SLIT3: variants seen among roughly 807,000 people sequenced by gnomAD.
SLIT3 encodes the protein slit homolog 3 protein.
A neutral mutation model predicts 184.0 loss-of-function variants in SLIT3; 68 were observed. The ratio of observed to expected loss-of-function variants is 0.37; its 90% CI spans 0.30 to 0.45. The LOEUF is 0.45. SLIT3 is among the 20% of genes least tolerant of loss of function. The pLI, the probability that SLIT3 is intolerant of heterozygous loss-of-function variation, is 1.00. For synonymous variants in SLIT3, 831 were observed against 828.6 expected (o/e 1.00, Z -0.05); for missense variants, 1,707 against 2,026.0 (o/e 0.84, Z 3.02).
At chr5:169,022,263 A>G (rs556448292) in intron 4 of SLIT3, 1 of 152,336 alleles carries the variant, frequency 6.6e-6, no homozygotes, top group East Asian at 1.9e-4. Context: ...GCCCTCGAGA[A>G]TTGTAGGGAA....
chr5:168,803,321 C>T (rs1231114925), intron 9 of SLIT3, among the ~76,000 whole-genome samples: 2 of 152,192 alleles, frequency 1.3e-5, no homozygotes, highest in Non-Finnish European at 2.9e-5. Context: ...TATTTTTGCT[C>T]AATAGAAAAA....
intron 4 of SLIT3, among the ~76,000 whole-genome samples, chr5:169,016,564 A>C (rs1756382219): frequency 6.6e-6 from 1 of 152,218 alleles, no homozygotes; most frequent in African/African-American, 2.4e-5. Context: ...TCCATTAAAA[A>C]CATATAATAC....
At chr5:168,861,271 G>A (rs1307712069) in intron 5 of SLIT3, among the ~76,000 whole-genome samples, 16 of 148,850 alleles carry the variant, frequency 1.1e-4, no homozygotes, top group East Asian at 8.0e-4. Context: ...CCCATCCCAC[G>A]ACAGGCCCCA....
chr5:168,668,038 G>A (rs72837898), intron 35 of SLIT3, among the ~76,000 whole-genome samples: 23,234 of 152,132 alleles, frequency 0.15, 2,363 homozygotes, highest in Non-Finnish European at 0.22. Flanking sequence ...ATAGTATTTC[G>A]TGTAGGTATA....
At chr5:169,081,482 A>G (rs761461365) in intron 4 of SLIT3, among the ~76,000 whole-genome samples, 5 of 152,214 alleles carry the variant, frequency 3.3e-5, no homozygotes, top group Non-Finnish European at 7.4e-5. Context: ...AGGGTCCCCA[A>G]ATGTGCAGGT....
chr5:168,894,087 A>C (rs112249623), intron 4 of SLIT3, among the ~76,000 whole-genome samples: 3 of 152,346 alleles, frequency 2.0e-5, no homozygotes, highest in Admixed American at 2.0e-4. Context: ...AAAATGGCAG[A>C]TCCTCCACCA....
At chr5:169,140,511 A>C in intron 4 of SLIT3, among the ~76,000 whole-genome samples, 1 of 137,236 alleles carries the variant, frequency 7.3e-6, no homozygotes. Context: ...AAAAAAAAAG[A>C]CGCAGGCGGT....
chr5:169,038,453 TAAG>T (rs1427426858), intron 4 of SLIT3, among the ~76,000 whole-genome samples: 3 of 152,288 alleles, frequency 2.0e-5, no homozygotes, highest in South Asian at 4.1e-4. Context: ...TATGTGTAAA[TAAG>T]AAGATGGGGT....
chr5:168,811,460 G>T (rs1757154745), intron 8 of SLIT3, among the ~76,000 whole-genome samples: 1 of 152,164 alleles, frequency 6.6e-6, no homozygotes, highest in Non-Finnish European at 1.5e-5. Context: ...CTTTCTGTCT[G>T]CTCTGCCAAA....
At chr5:169,028,136 T>G (rs1756896456) in intron 4 of SLIT3, among the ~76,000 whole-genome samples, 2 of 152,322 alleles carry the variant, frequency 1.3e-5, no homozygotes, top group East Asian at 3.9e-4. Context: ...TTTCTGAGTT[T>G]AATCCCCAAA....
intron 28 of SLIT3, among the ~76,000 whole-genome samples, chr5:168,695,969 C>A (rs1561879351): frequency 6.6e-6 from 1 of 152,164 alleles, no homozygotes; most frequent in Non-Finnish European, 1.5e-5. Flanking sequence ...AAACACAATG[C>A]AAGCGCCTCT....
chr5:168,979,760 A>C (rs1175031675), intron 4 of SLIT3, among the ~76,000 whole-genome samples: 1 of 152,198 alleles, frequency 6.6e-6, no homozygotes, highest in Non-Finnish European at 1.5e-5. Flanking sequence ...TGCCTGCTGC[A>C]AAAGTCAGGG....
At chr5:169,015,944 AC>A (rs1756349111) in intron 4 of SLIT3, among the ~76,000 whole-genome samples, 1 of 115,652 alleles carries the variant, frequency 8.6e-6, no homozygotes, top group Non-Finnish European at 1.6e-5. Flanking sequence ...ACACACACAC[AC>A]ACACACACAC....
chr5:168,834,048 A>C (rs561756926), intron 6 of SLIT3, among the ~76,000 whole-genome samples: 3 of 152,338 alleles, frequency 2.0e-5, no homozygotes, highest in African/African-American at 7.2e-5. Flanking sequence ...ACTAGCCCCC[A>C]GTGTGCAGCA....
At chr5:168,745,912 C>A (rs192915699) in intron 20 of SLIT3, among the ~76,000 whole-genome samples, 2 of 152,290 alleles carry the variant, frequency 1.3e-5, no homozygotes, top group African/African-American at 2.4e-5. Flanking sequence ...CAAGACAAGA[C>A]CCCCGACTAG....
At chr5:169,069,253 A>T (rs955236366) in intron 4 of SLIT3, among the ~76,000 whole-genome samples, 1 of 152,210 alleles carries the variant, frequency 6.6e-6, no homozygotes, top group Non-Finnish European at 1.5e-5. Flanking sequence ...GACTCCAGAG[A>T]CCGTCCATTG....
chr5:168,950,712 G>C (rs903546439), intron 4 of SLIT3, among the ~76,000 whole-genome samples: 2 of 152,178 alleles, frequency 1.3e-5, no homozygotes, highest in African/African-American at 4.8e-5. Flanking sequence ...AAAAATACCT[G>C]CCTCAAAACA....
chr5:169,300,839 C>G lies in SLIT3; in HGVS notation c.-130G>C, dbSNP rs1581154773. 3 of 975,330 alleles carry G rather than the reference C, an allele frequency of 3.1e-6. No individual in the cohort carries two copies. Among genetic ancestry groups the G allele is most frequent in the Non-Finnish European group, 3.9e-6 (3 of 763,532 alleles). The allele number at this position is 975,330 out of a possible 1,614,324, so 60.4% of individuals were successfully genotyped here. On this transcript the variant is annotated 5_prime_UTR_variant, in exon 1 of 36. Transcript: ENST00000519560. This position sits in a 1 kb window ranked among gnomAD's most constrained non-coding sequence, Gnocchi z 4.1. Reference sequence around the variant, plus strand: ...GGAGTTAGCGCGGAGGAGGGGCGAGCTCGGTGCTCAGGCGCACGGGGCGCG... The same window carrying G: ...GGAGTTAGCGCGGAGGAGGGGCGAGGTCGGTGCTCAGGCGCACGGGGCGCG...
Position 168,787,384 on chromosome 5 carries a change from C to T in SLIT3, c.1080-1406G>A, listed in dbSNP as rs886379974. Reference sequence around the variant, plus strand: ...AAAACCACTCCCTGGCAGGTGGAGGCGGGCTGAGGCTCTCCTGCCTGTGTG... The same window carrying T: ...AAAACCACTCCCTGGCAGGTGGAGGTGGGCTGAGGCTCTCCTGCCTGTGTG... On this transcript the variant is annotated intron_variant, in intron 11 of 35. Transcript: ENST00000519560. Among the ~76,000 whole-genome samples, 8 of 152,264 alleles carry T rather than the reference C, an allele frequency of 5.3e-5. No homozygotes were observed. The South Asian group carries it at 6.2e-4, about 12-fold the overall frequency.
Sources: gnomAD v4.1 joint callset for allele counts (sites outside exome capture counted in the v4.1 genomes callset) on GRCh38, gnomAD v4.1.1 for gene constraint, Gnocchi (gnomAD v3.1) non-coding constraint, MANE v1.5 for transcripts, NCBI Gene and HGNC (gene_info 2026-07-23, HGNC 2026-07-21) for gene names.